Variants in HMCN1 observed in about 807,000 individuals in gnomAD.
HMCN1 encodes hemicentin-1.
A neutral mutation model predicts 625.9 loss-of-function variants in HMCN1; 321 were observed. That is an observed-to-expected ratio of 0.51 (90% CI 0.47 to 0.56). The LOEUF is 0.56. Ranked by LOEUF, HMCN1 falls within the 20% of genes least tolerant of loss-of-function variation. HMCN1 has a pLI of 0.00. For missense variants in HMCN1, 6,588 were observed against 6,887.3 expected (o/e 0.96, Z 1.54); for synonymous variants, 2,425 against 2,417.6 (o/e 1.00, Z -0.09).
At chr1:186,073,072 G>C (rs1558197106) in intron 52 of HMCN1, among the ~76,000 whole-genome samples, 1 of 152,136 alleles carries the variant, frequency 6.6e-6, no homozygotes, top group Non-Finnish European at 1.5e-5. Flanking sequence ...GTAGGAAGGA[G>C]ATCAAATATA....
intron 105 of HMCN1, among the ~76,000 whole-genome samples, chr1:186,186,990 T>A (rs1222021646): frequency 3.2e-5 from 3 of 93,556 alleles, no homozygotes; most frequent in African/African-American, 1.6e-4. Flanking sequence ...TCTCTGTCTC[T>A]GTCTCACACA....
At position 186,088,630 on chromosome 1, in the gene HMCN1, G is replaced by C. The variant is rs149077801; in HGVS notation, c.9602G>C (p.Arg3201Pro). The C allele has an allele frequency of 2.5e-6, 4 of 1,611,724 alleles. No homozygotes were observed. The highest frequency in any genetic ancestry group is 3.4e-6 in the Non-Finnish European group (4 of 1,178,684). ...GAAAATTCTGACTCACTGGAAGTTCGTATTTTGTCTGGAGGTAGCAAACTC... is the reference window on the plus strand; with the variant it reads ...GAAAATTCTGACTCACTGGAAGTTCCTATTTTGTCTGGAGGTAGCAAACTC... ...RIENSDSLEV[R>P]ILSGGSKLQI... The change falls in exon 63 of 107, where the codon CGT becomes CCT. Residue 3201 changes from arginine to proline, a missense_variant. Around this residue, in one of 3 missense-constraint regions of HMCN1, gnomAD observed 4,628 missense variants for 4,853.1 expected, o/e 0.95. Coordinates refer to ENST00000271588, the MANE Select transcript of HMCN1 (RefSeq NM_031935.3).
chr1:185,949,288 G>T (rs1253981166), intron 11 of HMCN1, among the ~76,000 whole-genome samples: 1 of 151,772 alleles, frequency 6.6e-6, no homozygotes, highest in Non-Finnish European at 1.5e-5. Context: ...ACAGAAGATA[G>T]TAGGGATGAC....
In HMCN1 at chr1:186,175,942, CA is replaced by C. The variant is rs985218973; in HGVS notation, c.15943+1307del. 4.0e-5 allele frequency among the ~76,000 whole-genome samples: 6 copies of C among 149,502 alleles called. No individual in the cohort carries two copies. In the East Asian group the frequency reaches 1.2e-3, roughly 29 times the overall value. On this transcript the variant is annotated intron_variant, in intron 103 of 106. Coordinates refer to ENST00000271588, the MANE Select transcript of HMCN1 (RefSeq NM_031935.3). ...AAGAAAAGAGTTAAAGAAACTGTCT[CA>C]AAAAAAGAGAAAGGAGTTAAAGTAT...
intron 1 of HMCN1, among the ~76,000 whole-genome samples, chr1:185,837,832 G>A (rs1224416471): frequency 1.3e-5 from 2 of 152,082 alleles, no homozygotes; most frequent in Non-Finnish European, 2.9e-5. Flanking sequence ...TTAGCTGTAG[G>A]CACCATCTGG....
intron 4 of HMCN1, among the ~76,000 whole-genome samples, chr1:185,885,726 TTCCCAGTGCCAGATACATTA>T (rs1342695472): frequency 6.6e-6 from 1 of 152,040 alleles, no homozygotes. Context: ...ATAATTTGAT[TTCCCAGTGCCAGATACATTA>T]TCTCATTTAA....
At chr1:185,940,094 T>C (rs982663253) in intron 11 of HMCN1, among the ~76,000 whole-genome samples, 19 of 152,326 alleles carry the variant, frequency 1.2e-4, no homozygotes, top group African/African-American at 4.6e-4. Flanking sequence ...CCACTGCATG[T>C]TGAGTGGTGT....
At chr1:185,819,675 C>T (rs536788439) in intron 1 of HMCN1, among the ~76,000 whole-genome samples, 1 of 152,004 alleles carries the variant, frequency 6.6e-6, no homozygotes, top group African/African-American at 2.4e-5. Context: ...CAATATTTTA[C>T]TTAAAAAAGT....
At chr1:185,751,010 A>G (rs1654777139) in intron 1 of HMCN1, among the ~76,000 whole-genome samples, 2 of 152,026 alleles carry the variant, frequency 1.3e-5, no homozygotes, top group South Asian at 4.1e-4. Flanking sequence ...TTTCTGTAGT[A>G]TGGTTATTTC....
At chr1:186,105,596 T>C (rs2102449718) in intron 69 of HMCN1, among the ~76,000 whole-genome samples, 1 of 152,352 alleles carries the variant, frequency 6.6e-6, no homozygotes, top group Non-Finnish European at 1.5e-5. Context: ...ACCCTCCTTT[T>C]CTTTGTGAGC....
rs189707435 is a variant in HMCN1, at chr1:185,884,010, C to G, written c.621+18147C>G. Among the ~76,000 whole-genome samples, 5 of 147,878 alleles carry G rather than the reference C, an allele frequency of 3.4e-5. No individual in the cohort carries two copies. In the East Asian group the frequency reaches 1.0e-3, roughly 30 times the overall value. ...TTAAAAATCATTGGACTTTATATGA[C>G]AGGGAGTGGGTTACTTGTAGATTTG... On this transcript the variant is annotated intron_variant, in intron 4 of 106. Coordinates refer to ENST00000271588, the MANE Select transcript of HMCN1 (RefSeq NM_031935.3).
chr1:186,087,709 G>A lies in HMCN1; in HGVS notation c.9363+64G>A, dbSNP rs1363802486. 2.7e-6 allele frequency: 4 copies of A among 1,459,122 alleles called. No homozygotes were observed. In the Admixed American group the frequency reaches 5.0e-5, roughly 18 times the overall value. 90.4% of individuals were successfully genotyped at this position (1,459,122 alleles called of 1,614,324 possible). ...GGTGGGGTGGTGGAAAAGATGCTTG[G>A]AAGTTGCATATTCCCTTTTACTACA... On this transcript the variant is annotated intron_variant, in intron 60 of 106. Transcript: ENST00000271588.
At chr1:185,957,135 C>T (rs1649686482) in intron 11 of HMCN1, 1 of 152,196 alleles carries the variant, frequency 6.6e-6, no homozygotes, top group Non-Finnish European at 1.5e-5. Flanking sequence ...TTAGAAATGT[C>T]ATTATGTAAG....
At chr1:185,951,344 C>T (rs28833810) in intron 11 of HMCN1, among the ~76,000 whole-genome samples, 4,358 of 148,456 alleles carry the variant, frequency 0.029, 92 homozygotes, top group African/African-American at 0.073. Context: ...GGCACCACAG[C>T]TGGGGAGTTT....
rs1651910506 is a variant in HMCN1, at chr1:186,166,841, G to T, written c.15473G>T (p.Cys5158Phe). 2 of 1,614,038 alleles carry T rather than the reference G, an allele frequency of 1.2e-6. No individual in the cohort carries two copies. The highest frequency in any genetic ancestry group is 3.3e-5 in the Admixed American group (2 of 60,000). ...GAGTGTGCTTTGGGTAGGCATACCT[G>T]CCACGCTGGTCAGGACTGTGACAAT... is the stretch of plus-strand genomic sequence containing the variant. ...IDECALGRHT[C>F]HAGQDCDNTI... is the part of the protein sequence containing the mutation. The change falls in exon 100 of 107, where the codon TGC becomes TTC. Residue 5158 changes from cysteine (C) to phenylalanine (F), a missense_variant. Cys to Phe is a radical substitution (Grantham distance 205, BLOSUM62 -2). Around this residue, in one of 3 missense-constraint regions of HMCN1, gnomAD observed 1,954 missense variants for 2,013.1 expected, o/e 0.97. Transcript: ENST00000271588.
intron 1 of HMCN1, among the ~76,000 whole-genome samples, chr1:185,829,163 T>C (rs1222377937): frequency 6.6e-6 from 1 of 152,104 alleles, no homozygotes; most frequent in Non-Finnish European, 1.5e-5. Context: ...AAAAATTGAA[T>C]AAGATGGTTA....
intron 2 of HMCN1, among the ~76,000 whole-genome samples, chr1:185,859,811 A>G (rs770248066): frequency 9.2e-5 from 14 of 151,680 alleles, no homozygotes; most frequent in Non-Finnish European, 1.5e-4. Flanking sequence ...GACTAGGCAC[A>G]TGTTGCCATG....
chr1:186,158,307 GT>G (rs1295485755), intron 97 of HMCN1, among the ~76,000 whole-genome samples: 1 of 151,036 alleles, frequency 6.6e-6, no homozygotes, highest in Non-Finnish European at 1.5e-5. Context: ...TTGTAAATTT[GT>G]TTGAGTTCAT....
intron 98 of HMCN1, among the ~76,000 whole-genome samples, chr1:186,165,738 G>T (rs561953970): frequency 1.5e-4 from 23 of 152,302 alleles, no homozygotes; most frequent in Middle Eastern, 3.4e-3. Flanking sequence ...GTGATAAAGA[G>T]GTGGTCTTTC....
Sources: allele counts gnomAD v4.1 joint callset (sites outside exome capture counted in the v4.1 genomes callset), GRCh38; gene constraint gnomAD v4.1.1; regional missense constraint gnomAD v4.1.1; transcripts MANE v1.5; gene names NCBI Gene and HGNC (gene_info 2026-07-23, HGNC 2026-07-21).